NOL4: variants seen among roughly 807,000 people sequenced by gnomAD.
NOL4 encodes the protein cancer/testis antigen 125.
In NOL4, 17 loss-of-function variants were observed where a neutral mutation model predicts 75.9. The ratio of observed to expected loss-of-function variants is 0.22; its 90% confidence interval spans 0.15 to 0.34. The LOEUF is 0.34. NOL4 is among the 10% of genes least tolerant of loss of function. The probability of loss-of-function intolerance (pLI) is 1.00; values close to 1 mark genes in which losing one functional copy is unlikely to be tolerated. For missense variants in NOL4, 614 were observed against 793.5 expected (o/e 0.77, Z 2.72); for synonymous variants, 292 against 289.9 (o/e 1.01, Z -0.07).
At chr18:33,970,727 G>GTGTGTGTGTGTGTGTGTGTGTGTGTA (rs2070985161) in intron 6 of NOL4, among the ~76,000 whole-genome samples, 1 of 143,944 alleles carries the variant, frequency 6.9e-6, no homozygotes, top group African/African-American at 2.5e-5. Flanking sequence ...CAAGCTATTT[G>GTGTGTGTGTGTGTGTGTGTGTGTGTA]TGTGTGTGTG....
chr18:33,981,327 T>C (rs2071941188), intron 6 of NOL4, among the ~76,000 whole-genome samples: 1 of 147,662 alleles, frequency 6.8e-6, no homozygotes, highest in Non-Finnish European at 1.5e-5. Context: ...ACACCACAGA[T>C]CCAAGAAATT....
intron 6 of NOL4, among the ~76,000 whole-genome samples, chr18:33,977,226 T>C (rs1475531908): frequency 6.6e-6 from 1 of 152,046 alleles, no homozygotes; most frequent in African/African-American, 2.4e-5. Context: ...TGAGAGTGAA[T>C]AGTGGAGTTG....
chr18:34,117,447 A>C (rs964949770), intron 2 of NOL4, among the ~76,000 whole-genome samples: 7 of 152,218 alleles, frequency 4.6e-5, no homozygotes, highest in African/African-American at 1.7e-4. Context: ...TAAAATGTTT[A>C]TAATGCTCCC....
At chr18:33,976,583 GC>G (rs1424633988) in intron 6 of NOL4, among the ~76,000 whole-genome samples, 16 of 152,252 alleles carry the variant, frequency 1.1e-4, no homozygotes, top group African/African-American at 3.6e-4. Context: ...ATCTCAGGAT[GC>G]CTATTGTGAA....
chr18:33,973,024 T>C (rs1013037618), intron 6 of NOL4, among the ~76,000 whole-genome samples: 1 of 152,242 alleles, frequency 6.6e-6, no homozygotes, highest in Non-Finnish European at 1.5e-5. Context: ...AAGATTTCTC[T>C]GTAACATGTG....
At chr18:33,997,226 T>G (rs1434504191) in intron 6 of NOL4, among the ~76,000 whole-genome samples, 2 of 151,880 alleles carry the variant, frequency 1.3e-5, no homozygotes, top group Non-Finnish European at 2.9e-5. Flanking sequence ...TTGAGGTTTT[T>G]AATCCATCTT....
intron 6 of NOL4, among the ~76,000 whole-genome samples, chr18:33,996,221 C>A (rs2073274611): frequency 1.3e-5 from 2 of 151,524 alleles, no homozygotes; most frequent in Admixed American, 6.6e-5. Flanking sequence ...GAAAGAAAAC[C>A]AACTTTATTC....
intron 4 of NOL4, among the ~76,000 whole-genome samples, chr18:34,100,254 T>C (rs1451452889): frequency 2.0e-5 from 3 of 152,160 alleles, no homozygotes; most frequent in Admixed American, 6.5e-5. Context: ...ATCATTATTT[T>C]CCTCTGCTAC....
chr18:33,866,270 T>G (rs1257475401), intron 10 of NOL4, among the ~76,000 whole-genome samples: 1 of 152,136 alleles, frequency 6.6e-6, no homozygotes, highest in Non-Finnish European at 1.5e-5. Flanking sequence ...AACTCAAATC[T>G]CCTGGACTTG....
chr18:34,003,605 T>TGATA (rs1201441154), intron 6 of NOL4, among the ~76,000 whole-genome samples: 1 of 152,100 alleles, frequency 6.6e-6, no homozygotes, highest in African/African-American at 2.4e-5. Flanking sequence ...AGTATGCATA[T>TGATA]GATACCTTCT....
intron 6 of NOL4, among the ~76,000 whole-genome samples, chr18:33,960,455 A>G (rs980215146): frequency 4.6e-5 from 7 of 152,088 alleles, no homozygotes; most frequent in African/African-American, 1.7e-4. Flanking sequence ...TAAGACCAAC[A>G]TGGTTAGTAG....
At chr18:34,002,297 G>A (rs2073770727) in intron 6 of NOL4, among the ~76,000 whole-genome samples, 1 of 151,936 alleles carries the variant, frequency 6.6e-6, no homozygotes, top group Non-Finnish European at 1.5e-5. Context: ...TTGCTGCACT[G>A]ATGTTCTTTC....
At chr18:34,037,639 A>G (rs1197905938) in intron 5 of NOL4, among the ~76,000 whole-genome samples, 2 of 152,078 alleles carry the variant, frequency 1.3e-5, no homozygotes, top group Admixed American at 1.3e-4. Context: ...TTTGACAAAG[A>G]TACAAAGAAT....
intron 5 of NOL4, among the ~76,000 whole-genome samples, chr18:34,044,086 C>A (rs552047347): frequency 6.6e-6 from 1 of 152,106 alleles, no homozygotes; most frequent in East Asian, 1.9e-4. Flanking sequence ...TGTCACTTAA[C>A]TCTATAAAAA....
intron 9 of NOL4, among the ~76,000 whole-genome samples, chr18:33,887,142 A>T (rs2064784262): frequency 6.9e-6 from 1 of 144,540 alleles, no homozygotes; most frequent in Non-Finnish European, 1.5e-5. Flanking sequence ...AGATATATCT[A>T]TATCTAGATA....
At chr18:34,041,014 G>C (rs184698854) in intron 5 of NOL4, among the ~76,000 whole-genome samples, 27 of 151,922 alleles carry the variant, frequency 1.8e-4, no homozygotes, top group African/African-American at 6.5e-4. Flanking sequence ...ATGAAAAAAC[G>C]TAATGAAAAA....
Position 34,203,717 on chromosome 18 carries a change from T to TCTCTCACACACACA in NOL4, c.264+19272_264+19273insTGTGTGTGTGAGAG, listed in dbSNP as rs1261546835. On this transcript the variant is annotated intron_variant, in intron 1 of 10. Coordinates refer to ENST00000261592, the MANE Select transcript of NOL4 (RefSeq NM_003787.5). Reference sequence around the variant, plus strand: ...CTCTCTCTCTCTCTCTCTCTCTCTCTCACACACACACACACACACACACAC... The same window carrying TCTCTCACACACACA: ...CTCTCTCTCTCTCTCTCTCTCTCTCTCTCTCACACACACACACACACACACACACACACACACAC... 2.8e-3 allele frequency among the ~76,000 whole-genome samples: 204 copies of TCTCTCACACACACA among 72,280 alleles called. 4 individuals carry two copies. Among genetic ancestry groups the TCTCTCACACACACA allele is most frequent in the East Asian group, 8.6e-3 (17 of 1,984 alleles). The allele number at this position is 72,280 out of a possible 152,430, so 47.4% of individuals were successfully genotyped here. A position where few individuals can be genotyped will look rare whatever the true frequency, so the allele number is the denominator to read the frequency against.
In NOL4 at chr18:34,147,611, G is replaced by T. The variant is rs572985776; in HGVS notation, c.265-17591C>A. On this transcript the variant is annotated intron_variant, in intron 1 of 10. Coordinates refer to ENST00000261592, the MANE Select transcript of NOL4 (RefSeq NM_003787.5). ...AGCTTTTTGATGTGCTGCTAGATTT[G>T]GTTTGCCAGTATTTTATTGAGGATT... Among the ~76,000 whole-genome samples the T allele has an allele frequency of 5.3e-5, 8 of 152,100 alleles. No homozygotes were observed. The South Asian group carries it at 1.0e-3, about 20-fold the overall frequency.
intron 9 of NOL4, among the ~76,000 whole-genome samples, chr18:33,911,030 A>G (rs2066365680): frequency 1.3e-5 from 2 of 152,088 alleles, no homozygotes; most frequent in South Asian, 4.1e-4. Context: ...TTGGGTGAGC[A>G]GGAATTTTAT....
Sources: allele counts gnomAD v4.1 joint callset (sites outside exome capture counted in the v4.1 genomes callset), GRCh38; gene constraint gnomAD v4.1.1; transcripts MANE v1.5; gene names NCBI Gene and HGNC (gene_info 2026-07-23, HGNC 2026-07-21).